RHBDL2: variants seen among roughly 807,000 people sequenced by gnomAD.
RHBDL2 encodes rhomboid like 2.
RHBDL2 carries 26 observed loss-of-function variants against 31.7 expected under a neutral mutation model. The observed-to-expected ratio is 0.82, with a 90% CI of 0.60 to 1.14. The LOEUF (loss-of-function observed/expected upper bound fraction) is 1.14. Ranked by LOEUF, RHBDL2 falls within the 50% of genes most tolerant of loss-of-function variation. The probability of loss-of-function intolerance (pLI) is 0.00; values close to 1 mark genes in which losing one functional copy is unlikely to be tolerated. For synonymous variants in RHBDL2, 123 were observed against 127.2 expected (o/e 0.97, Z 0.22); for missense variants, 336 against 364.4 (o/e 0.92, Z 0.63).
chr1:38,914,439 A>G (rs1388980507), intron 3 of RHBDL2, among the ~76,000 whole-genome samples: 1 of 151,546 alleles, frequency 6.6e-6, no homozygotes, highest in African/African-American at 2.4e-5. Flanking sequence ...ACGGGGTTTT[A>G]CCATATTGGT....
chr1:38,907,977 T>C (rs909524505), intron 4 of RHBDL2, among the ~76,000 whole-genome samples: 1 of 151,962 alleles, frequency 6.6e-6, no homozygotes, highest in Non-Finnish European at 1.5e-5. Flanking sequence ...AAAATATTTA[T>C]AAACTACATA....
intron 1 of RHBDL2, among the ~76,000 whole-genome samples, chr1:38,930,964 C>T (rs978519454): frequency 1.3e-5 from 2 of 152,156 alleles, no homozygotes; most frequent in Non-Finnish European, 2.9e-5. Flanking sequence ...GTTGGTCACC[C>T]TGTCATGGAC....
Position 38,919,016 on chromosome 1 carries a change from GCT to G in RHBDL2, c.195_196del (p.Arg65SerfsTer2). On this transcript the variant is annotated frameshift_variant, in exon 2 of 8. Coordinates refer to ENST00000372990, the MANE Select transcript of RHBDL2 (RefSeq NM_017821.5). LOFTEE classifies it high-confidence loss of function. ...GAACACGGGAGGCGGGAAGCAGTTA[GCT>G]CTCTCCAAGTATGTTCCTCGGGACT... The G allele has an allele frequency of 6.2e-7, 1 of 1,614,100 alleles. No homozygotes were observed. Among genetic ancestry groups the G allele is most frequent in the Non-Finnish European group, 8.5e-7 (1 of 1,180,014 alleles).
At chr1:38,890,948 G>A (rs80289170) in intron 6 of RHBDL2, among the ~76,000 whole-genome samples, 3,463 of 152,006 alleles carry the variant, frequency 0.023, 136 homozygotes, top group African/African-American at 0.077. Context: ...GTTTTTTAGG[G>A]CAATTGCCAT....
intron 1 of RHBDL2, among the ~76,000 whole-genome samples, chr1:38,924,843 G>A (rs890366963): frequency 6.9e-6 from 1 of 144,716 alleles, no homozygotes; most frequent in Non-Finnish European, 1.5e-5. Context: ...GTGCAATGGT[G>A]CGATCTCGGC....
chr1:38,927,957 G>A (rs1643396182), intron 1 of RHBDL2, among the ~76,000 whole-genome samples: 1 of 152,010 alleles, frequency 6.6e-6, no homozygotes. Flanking sequence ...TGACTCCAAA[G>A]CCCCCACATG....
intron 1 of RHBDL2, chr1:38,926,360 C>A (rs1248811506): frequency 9.4e-6 from 2 of 212,792 alleles, no homozygotes; most frequent in African/African-American, 2.3e-5. Flanking sequence ...AGGCTGTCCT[C>A]ACCTATCTGG....
chr1:38,928,141 C>CTTTTTT (rs1209464598), intron 1 of RHBDL2, among the ~76,000 whole-genome samples: 1 of 130,358 alleles, frequency 7.7e-6, no homozygotes. Flanking sequence ...TTTTTTCTTT[C>CTTTTTT]TTTTTTTTTT....
At chr1:38,920,170 T>TTTC (rs1553159774) in intron 1 of RHBDL2, among the ~76,000 whole-genome samples, 17 of 143,300 alleles carry the variant, frequency 1.2e-4, no homozygotes, top group African/African-American at 4.4e-4. Context: ...TGTTTTCTTT[T>TTTC]TTTTTTTTTT....
At chr1:38,934,209 G>A (rs557481054) in intron 1 of RHBDL2, among the ~76,000 whole-genome samples, 8 of 151,886 alleles carry the variant, frequency 5.3e-5, no homozygotes, top group African/African-American at 9.7e-5. Flanking sequence ...TTAGCCAGGC[G>A]TTATGGCGGG....
At chr1:38,913,840 CG>C (rs1643191622) in intron 3 of RHBDL2, among the ~76,000 whole-genome samples, 1 of 152,064 alleles carries the variant, frequency 6.6e-6, no homozygotes, top group Admixed American at 6.6e-5. Context: ...TATAGGCGGC[CG>C]GGCACAGTGG....
At chr1:38,886,727 C>T (rs1167642383) in intron 7 of RHBDL2, 44 bp from the exon 8 acceptor site, 6 of 1,394,532 alleles carry the variant, frequency 4.3e-6, no homozygotes, top group Non-Finnish European at 5.8e-6. Flanking sequence ...GAAGACAATG[C>T]TAATTGTGTA....
intron 1 of RHBDL2, among the ~76,000 whole-genome samples, chr1:38,930,157 G>A (rs1272243502): frequency 6.6e-6 from 1 of 151,986 alleles, no homozygotes; most frequent in Non-Finnish European, 1.5e-5. Flanking sequence ...TTCAGGGTAG[G>A]GGGACCAGAG....
chr1:38,886,713 A>G, intron 7 of RHBDL2, 30 bp from the exon 8 acceptor site: 1 of 1,496,174 alleles, frequency 6.7e-7, no homozygotes, highest in Non-Finnish European at 9.0e-7. Flanking sequence ...AAATGGAAAT[A>G]AGTGAAGACA....
chr1:38,922,735 C>G (rs534497586), intron 1 of RHBDL2, among the ~76,000 whole-genome samples: 2 of 150,154 alleles, frequency 1.3e-5, no homozygotes, highest in Non-Finnish European at 1.5e-5. Context: ...CTCCCGCTCA[C>G]GTTTATCTTC....
intron 1 of RHBDL2, among the ~76,000 whole-genome samples, chr1:38,932,729 G>C (rs781121961): frequency 6.6e-6 from 1 of 152,196 alleles, no homozygotes; most frequent in Non-Finnish European, 1.5e-5. Flanking sequence ...TGAAGTGCTG[G>C]AATTACAGGC....
At position 38,893,233 on chromosome 1, in the gene RHBDL2, G is replaced by C. The variant is rs1642875765; in HGVS notation, c.610-9C>G. The C allele has an allele frequency of 1.5e-6, 2 of 1,375,014 alleles. No individual in the cohort carries two copies. Among genetic ancestry groups the C allele is most frequent in the Non-Finnish European group, 2.1e-6 (2 of 967,776 alleles). 85.2% of individuals were successfully genotyped at this position (1,375,014 alleles called of 1,614,324 possible). A position where few individuals can be genotyped will look rare whatever the true frequency, so the allele number is the denominator to read the frequency against. ...ATCATTTCTTGAAAATTCTTAAAAA[G>C]AGATAAATAATAATTATATAAGCTA... On this transcript the variant is annotated splice_polypyrimidine_tract_variant and intron_variant, in intron 5 of 7. Transcript: ENST00000372990.
chr1:38,919,582 G>A (rs780117267), intron 1 of RHBDL2, among the ~76,000 whole-genome samples: 3 of 151,012 alleles, frequency 2.0e-5, no homozygotes, highest in African/African-American at 2.4e-5. Context: ...TACCATTTTC[G>A]CCATTTAATA....
At chr1:38,932,403 C>T (rs188847030) in intron 1 of RHBDL2, among the ~76,000 whole-genome samples, 1 of 152,212 alleles carries the variant, frequency 6.6e-6, no homozygotes, top group African/African-American at 2.4e-5. Flanking sequence ...TCAGCTGAAC[C>T]CTGCCCAAAT....
Sources: gnomAD v4.1 joint callset for allele counts (sites outside exome capture counted in the v4.1 genomes callset) on GRCh38, gnomAD v4.1.1 for gene constraint, MANE v1.5 for transcripts, NCBI Gene and HGNC (gene_info 2026-07-23, HGNC 2026-07-21) for gene names.